The following RANBP2 variants were observed in gnomAD, a reference collection of about 807,000 sequenced individuals.
RANBP2 encodes RAN binding protein 2, also known as E3 SUMO-protein ligase RanBP2.
Under a neutral mutation model 303.6 loss-of-function variants are expected in RANBP2, and 57 were observed. The ratio of observed to expected loss-of-function variants is 0.19; its 90% CI spans 0.15 to 0.23. The LOEUF (loss-of-function observed/expected upper bound fraction) is 0.23. Among genes scored for constraint, RANBP2 ranks in the 10% least tolerant of loss-of-function variants. The pLI, the probability that RANBP2 is intolerant of heterozygous loss-of-function variation, is 1.00. For synonymous variants in RANBP2, 1,167 were observed against 1,301.5 expected, an observed-to-expected ratio of 0.90 and a Z score of 2.23; for missense variants, 3,138 against 3,780.8, an observed-to-expected ratio of 0.83 and a Z score of 4.46.
At chr2:109,666,881 T>C in the RANBP2 span, among the ~76,000 whole-genome samples, 1 of 152,218 alleles carries the variant, frequency 6.6e-6, no homozygotes, top group Non-Finnish European at 1.5e-5. Flanking sequence ...ACCATAGAAA[T>C]GGGCACGGTT....
the RANBP2 span, among the ~76,000 whole-genome samples, chr2:109,507,320 G>A: frequency 6.6e-6 from 1 of 152,204 alleles, no homozygotes; most frequent in African/African-American, 2.4e-5. Flanking sequence ...ACCTTCTAGG[G>A]CTGAGCAGTC....
chr2:109,530,103 TAGA>T, the RANBP2 span, among the ~76,000 whole-genome samples: 1 of 152,196 alleles, frequency 6.6e-6, no homozygotes, highest in South Asian at 2.1e-4. Context: ...CTCTCCCGCA[TAGA>T]AGATGTTCAG....
the RANBP2 span, among the ~76,000 whole-genome samples, chr2:108,899,124 T>C: frequency 6.6e-6 from 1 of 152,142 alleles, no homozygotes. Flanking sequence ...TCAAGATACA[T>C]CATAAATGAA....
At chr2:109,221,318 C>CA in the RANBP2 span, among the ~76,000 whole-genome samples, 1 of 151,128 alleles carries the variant, frequency 6.6e-6, no homozygotes, top group Non-Finnish European at 1.5e-5. Flanking sequence ...CCAGGTGACT[C>CA]ACGGCTGTAA....
the RANBP2 span, among the ~76,000 whole-genome samples, chr2:108,927,931 C>A: frequency 2.0e-5 from 3 of 152,184 alleles, no homozygotes; most frequent in African/African-American, 7.2e-5. Flanking sequence ...GTGCCATCTG[C>A]ACCCCTGGTC....
chr2:108,846,790 G>A, the RANBP2 span: 1 of 1,612,536 alleles, frequency 6.2e-7, no homozygotes, highest in Non-Finnish European at 8.5e-7. Flanking sequence ...ATTTTTAAAG[G>A]AGTGGTAACT....
At chr2:109,624,685 C>T in the RANBP2 span, among the ~76,000 whole-genome samples, 8 of 152,294 alleles carry the variant, frequency 5.3e-5, no homozygotes, top group Middle Eastern at 6.8e-3. Flanking sequence ...TACTTGGAAA[C>T]GCAGTTGAAG....
At chr2:109,361,672 C>T in the RANBP2 span, among the ~76,000 whole-genome samples, 5 of 152,118 alleles carry the variant, frequency 3.3e-5, no homozygotes, top group Non-Finnish European at 7.3e-5. Context: ...GATGGGGTTT[C>T]ACCATGTTGG....
At chr2:108,818,617 A>G in the RANBP2 span, among the ~76,000 whole-genome samples, 1 of 152,210 alleles carries the variant, frequency 6.6e-6, no homozygotes, top group African/African-American at 2.4e-5. Context: ...ACTTGTGGCC[A>G]TCGCAAGCAG....
the RANBP2 span, among the ~76,000 whole-genome samples, chr2:108,796,582 T>A: frequency 2.0e-5 from 3 of 152,212 alleles, no homozygotes. Flanking sequence ...TCAGTCTCAG[T>A]GTCCATTGGC....
chr2:108,833,485 A>G, the RANBP2 span, among the ~76,000 whole-genome samples: 1 of 152,192 alleles, frequency 6.6e-6, no homozygotes, highest in East Asian at 1.9e-4. Flanking sequence ...CTTGGCAGGA[A>G]CCTCAAAGAA....
At position 108,743,211 on chromosome 2, in the gene RANBP2, G is replaced by T. The variant is rs1283904948; in HGVS notation, c.975+2530G>T. ...CATAGCTCACTGTAACGTTGAACTG[G>T]GCTCAAGCTTCCCAGAGTGCTGGGA... On this transcript the variant is annotated intron_variant, in intron 7 of 28. Transcript: ENST00000283195. 2.0e-5 allele frequency among the ~76,000 whole-genome samples: 3 copies of T among 152,144 alleles called. No homozygotes were observed. In the East Asian group the frequency reaches 5.8e-4, roughly 29 times the overall value.
At chr2:109,609,951 C>A in the RANBP2 span, among the ~76,000 whole-genome samples, 1 of 152,138 alleles carries the variant, frequency 6.6e-6, no homozygotes, top group African/African-American at 2.4e-5. Flanking sequence ...ACTAATTATA[C>A]AGCCAGGATC....
chr2:108,990,731 G>T, the RANBP2 span, among the ~76,000 whole-genome samples: 2 of 152,196 alleles, frequency 1.3e-5, no homozygotes, highest in South Asian at 4.1e-4. Context: ...CTTGATCCTT[G>T]TGGATGATTA....
chr2:108,808,030 T>C, the RANBP2 span, among the ~76,000 whole-genome samples: 1 of 152,212 alleles, frequency 6.6e-6, no homozygotes, highest in Admixed American at 6.5e-5. Flanking sequence ...ATCAACTTGT[T>C]TTTTAGCTTC....
At chr2:108,969,698 T>C in the RANBP2 span, among the ~76,000 whole-genome samples, 1 of 152,344 alleles carries the variant, frequency 6.6e-6, no homozygotes, top group African/African-American at 2.4e-5. Context: ...CAGCACCATC[T>C]CAGTGCTGAA....
chr2:108,917,223 C>T, the RANBP2 span, among the ~76,000 whole-genome samples: 1 of 152,088 alleles, frequency 6.6e-6, no homozygotes, highest in African/African-American at 2.4e-5. Context: ...ACGCGCGGCT[C>T]GTGTGGAAGC....
intron 27 of RANBP2, 54 bp from the exon 28 acceptor site, chr2:108,782,474 T>TA: frequency 6.2e-7 from 1 of 1,613,010 alleles, no homozygotes; most frequent in African/African-American, 1.3e-5. Context: ...CAAAACAACT[T>TA]ATAACAGTTA....
chr2:109,353,939 G>A, the RANBP2 span, among the ~76,000 whole-genome samples: 1 of 152,128 alleles, frequency 6.6e-6, no homozygotes, highest in Non-Finnish European at 1.5e-5. Flanking sequence ...TGAACACGAT[G>A]GGAACACCAG....
Sources: allele counts gnomAD v4.1 joint callset (sites outside exome capture counted in the v4.1 genomes callset), GRCh38; gene constraint gnomAD v4.1.1; transcripts MANE v1.5; gene names NCBI Gene and HGNC (gene_info 2026-07-23, HGNC 2026-07-21).